TMEM184B: variants seen among roughly 807,000 people sequenced by gnomAD.
TMEM184B encodes putative MAPK-activating protein FM08.
TMEM184B carries 17 observed loss-of-function variants against 41.8 expected under a neutral mutation model. The observed-to-expected ratio is 0.41, with a 90% confidence interval of 0.28 to 0.61. The LOEUF (loss-of-function observed/expected upper bound fraction) is 0.61, where lower values mean the gene tolerates loss of function less well. TMEM184B is among the 20% of genes least tolerant of loss of function. TMEM184B has a pLI of 0.34. For synonymous variants in TMEM184B, 240 were observed against 229.5 expected (o/e 1.05, Z -0.41); for missense variants, 393 against 557.8 (o/e 0.70, Z 2.98).
Position 38,221,412 on chromosome 22 carries a change from T to C in TMEM184B, c.*57A>G, listed in dbSNP as rs886344164. 4 of 1,532,484 alleles carry C rather than the reference T, an allele frequency of 2.6e-6. No individual in the cohort carries two copies. The highest frequency in any genetic ancestry group is 1.8e-4 in the Middle Eastern group (1 of 5,696). The allele number at this position is 1,532,484 out of a possible 1,614,324, so 94.9% of individuals were successfully genotyped here. A position where few individuals can be genotyped will look rare whatever the true frequency, so the allele number is the denominator to read the frequency against. On this transcript the variant is annotated 3_prime_UTR_variant, in exon 9 of 9. Coordinates refer to ENST00000361906, the MANE Select transcript of TMEM184B (RefSeq NM_012264.5). ...CCTGGCCTGGTGGTGAGGCTGGAGG[T>C]GGGGCACAGCCTGACCGTGGCTATG...
At chr22:38,221,738 G>A in intron 8 of TMEM184B, 28 bp from the exon 9 acceptor site, 1 of 1,610,396 alleles carries the variant, frequency 6.2e-7, no homozygotes, top group Non-Finnish European at 8.5e-7. Flanking sequence ...GGAGGGGCAG[G>A]TGAGGAGGCT....
chr22:38,234,601 G>A (rs1166171619), intron 3 of TMEM184B, among the ~76,000 whole-genome samples: 4 of 152,034 alleles, frequency 2.6e-5, no homozygotes, highest in Non-Finnish European at 4.4e-5. Flanking sequence ...CATGACTGAA[G>A]CTCCTGGGAC....
At chr22:38,242,371 G>C (rs551775535) in intron 3 of TMEM184B, among the ~76,000 whole-genome samples, 6 of 151,960 alleles carry the variant, frequency 3.9e-5, no homozygotes, top group African/African-American at 9.6e-5. Flanking sequence ...CCAGCTACTC[G>C]AGAGGCTGAG....
At position 38,219,745 on chromosome 22, in the gene TMEM184B, GGA is replaced by G. The variant is rs761260041; in HGVS notation, c.*1722_*1723del. The stretch of plus-strand genomic sequence containing the variant: ...CTGGAGGGAGAAGGGAAGCCACGGT[GGA>G]GAGACAGCTTGGTGAAAGCAGATGG... On this transcript the variant is annotated 3_prime_UTR_variant, in exon 9 of 9. Transcript: ENST00000361906. 25 of 985,662 alleles carry G rather than the reference GGA, an allele frequency of 2.5e-5. No individual in the cohort carries two copies. The highest frequency in any genetic ancestry group is 2.3e-4 in the East Asian group (2 of 8,824). 61.1% of individuals were successfully genotyped at this position (985,662 alleles called of 1,614,324 possible).
intron 2 of TMEM184B, chr22:38,246,457 T>C (rs1409932481): frequency 1.0e-5 from 3 of 295,220 alleles, no homozygotes; most frequent in Non-Finnish European, 2.0e-5. Flanking sequence ...CACTGGCAGC[T>C]CTGGGCCATC....
At chr22:38,234,809 C>T (rs1453138885) in intron 3 of TMEM184B, among the ~76,000 whole-genome samples, 2 of 152,188 alleles carry the variant, frequency 1.3e-5, no homozygotes, top group Non-Finnish European at 2.9e-5. Context: ...GCCCTGGAGA[C>T]AGCCTGCCTT....
intron 3 of TMEM184B, among the ~76,000 whole-genome samples, chr22:38,244,823 T>C (rs1342025195): frequency 6.6e-6 from 1 of 152,216 alleles, no homozygotes; most frequent in African/African-American, 2.4e-5. Flanking sequence ...GACCTGGGCA[T>C]TGCTGGCCTC....
chr22:38,224,682 T>C, intron 8 of TMEM184B, 103 bp downstream of exon 8: 1 of 1,250,918 alleles, frequency 8.0e-7, no homozygotes, highest in Non-Finnish European at 1.1e-6. Context: ...TCCCATGTCC[T>C]GACCCAGCCG....
chr22:38,256,015 C>T (rs1464332534), intron 1 of TMEM184B, among the ~76,000 whole-genome samples: 2 of 152,132 alleles, frequency 1.3e-5, no homozygotes, highest in Admixed American at 1.3e-4. Flanking sequence ...ATACACCCTA[C>T]ATGAAAATGC....
At chr22:38,222,555 G>A (rs371569549) in intron 8 of TMEM184B, 3 of 981,132 alleles carry the variant, frequency 3.1e-6, no homozygotes, top group African/African-American at 3.5e-5. Flanking sequence ...ATGAGGACAC[G>A]GAGAAGAGCT....
In TMEM184B at chr22:38,226,994, A is replaced by G; in HGVS notation, c.526-124T>C. 1 of 944,776 alleles carries G rather than the reference A, an allele frequency of 1.1e-6. No homozygotes were observed. Among genetic ancestry groups the G allele is most frequent in the Non-Finnish European group, 1.6e-6 (1 of 628,424 alleles). 58.5% of individuals were successfully genotyped at this position (944,776 alleles called of 1,614,324 possible). ...AGAGAGGATGAAGGAGACGGAGAGG[A>G]CGGAGGGATGGAGGGACGGAGGGGA... On this transcript the variant is annotated intron_variant, in intron 5 of 8. Transcript: ENST00000361906. This position sits in a 1 kb window ranked among gnomAD's most constrained non-coding sequence, Gnocchi z 4.6.
At position 38,219,533 on chromosome 22, in the gene TMEM184B, A is replaced by T. The variant is rs1158499788; in HGVS notation, c.*1936T>A. ...ACTCTACCTGGAAAGAAAATTAAAA[A>T]AAAAAAAGACAAGGTAGGTTATGCA... On this transcript the variant is annotated 3_prime_UTR_variant, in exon 9 of 9. Coordinates refer to ENST00000361906, the MANE Select transcript of TMEM184B (RefSeq NM_012264.5). 1.0e-6 allele frequency: 1 copy of T among 985,646 alleles called. No homozygotes were observed. Among genetic ancestry groups the T allele is most frequent in the African/African-American group, 1.7e-5 (1 of 57,234 alleles). The allele number at this position is 985,646 out of a possible 1,614,324, so 61.1% of individuals were successfully genotyped here.
intron 3 of TMEM184B, among the ~76,000 whole-genome samples, chr22:38,236,314 G>A (rs903552168): frequency 1.3e-5 from 2 of 152,118 alleles, no homozygotes; most frequent in Non-Finnish European, 2.9e-5. Context: ...AGGAGAGAAG[G>A]ACCAGGATGA....
chr22:38,238,515 C>T lies in TMEM184B; in HGVS notation c.359-7181G>A, dbSNP rs1163947088. Among the ~76,000 whole-genome samples the T allele has an allele frequency of 2.6e-5, 4 of 152,348 alleles. No homozygotes were observed. The East Asian group carries it at 7.7e-4, about 29-fold the overall frequency. On this transcript the variant is annotated intron_variant, in intron 3 of 8. Coordinates refer to ENST00000361906, the MANE Select transcript of TMEM184B (RefSeq NM_012264.5). ...GTGGGATTATAGGCGTGAGCCACCG[C>T]GCCTGGCCACTATCGAGGTCTTATA...
At chr22:38,221,830 C>T (rs2091269578) in intron 8 of TMEM184B, 120 bp from the exon 9 acceptor site, 1 of 1,397,240 alleles carries the variant, frequency 7.2e-7, no homozygotes, top group Non-Finnish European at 9.6e-7. Context: ...TGCCCTTCAA[C>T]CATCCCTTCT....
intron 3 of TMEM184B, among the ~76,000 whole-genome samples, chr22:38,238,519 T>A (rs998555458): frequency 6.6e-6 from 1 of 152,250 alleles, no homozygotes; most frequent in African/African-American, 2.4e-5. Flanking sequence ...CCACCGCGCC[T>A]GGCCACTATC....
At chr22:38,272,859 G>A (rs910669372) in intron 1 of TMEM184B, 25 bp downstream of exon 1, 1 of 950,838 alleles carries the variant, frequency 1.1e-6, no homozygotes, top group East Asian at 1.3e-4. Context: ...TGGGGCTCCC[G>A]GGCGAGGCCG....
chr22:38,270,376 A>C (rs534032644), intron 1 of TMEM184B, among the ~76,000 whole-genome samples: 2 of 152,228 alleles, frequency 1.3e-5, no homozygotes, highest in East Asian at 3.9e-4. Flanking sequence ...GGTGGTAGGA[A>C]AATTAAATAC....
chr22:38,240,747 A>C (rs896089667), intron 3 of TMEM184B, among the ~76,000 whole-genome samples: 5 of 142,016 alleles, frequency 3.5e-5, no homozygotes, highest in African/African-American at 1.3e-4. Context: ...AAAAAAAAAA[A>C]AAAAAAAAGC....
Sources: gnomAD v4.1 joint callset for allele counts (sites outside exome capture counted in the v4.1 genomes callset) on GRCh38, gnomAD v4.1.1 for gene constraint, Gnocchi (gnomAD v3.1) non-coding constraint, MANE v1.5 for transcripts, NCBI Gene and HGNC (gene_info 2026-07-23, HGNC 2026-07-21) for gene names.